Variants in ARHGEF33 observed in about 807,000 individuals in gnomAD.
ARHGEF33 encodes the protein DH and coiled-coil domain-containing protein ENSP00000381780.
ARHGEF33 carries 72 observed loss-of-function variants against 101.9 expected under a neutral mutation model. The ratio of observed to expected loss-of-function variants is 0.71; its 90% CI spans 0.58 to 0.86. ARHGEF33 has a LOEUF of 0.86. Ranked by LOEUF, ARHGEF33 falls within the 40% of genes least tolerant of loss-of-function variation. The pLI, the probability that ARHGEF33 is intolerant of heterozygous loss-of-function variation, is 0.00. For synonymous variants in ARHGEF33, 499 were observed against 442.5 expected, an observed-to-expected ratio of 1.13 and a Z score of -1.60; for missense variants, 1,169 against 1,111.3, an observed-to-expected ratio of 1.05 and a Z score of -0.74.
intron 11 of ARHGEF33, among the ~76,000 whole-genome samples, 151 bp downstream of exon 11, chr2:38,951,272 T>C (rs571317945): frequency 2.1e-3 from 322 of 152,310 alleles, no homozygotes; most frequent in African/African-American, 7.3e-3. Context: ...ATACAGATCA[T>C]GGAATGATTC....
Position 38,960,200 on chromosome 2 carries a change from A to G in ARHGEF33, c.1895A>G (p.Glu632Gly), listed in dbSNP as rs1334173481. The G allele has an allele frequency of 1.9e-6, 3 of 1,545,114 alleles. No individual in the cohort carries two copies. The highest frequency in any genetic ancestry group is 1.4e-5 in the African/African-American group (1 of 72,868). Residue 632 changes from glutamate (E) to glycine (G), a missense_variant, in exon 16 of 18, where the codon GAG becomes GGG. Coordinates refer to ENST00000409978, the MANE Select transcript of ARHGEF33 (RefSeq NM_001145451.5). The stretch of plus-strand genomic sequence containing the variant: ...GCGCTGCCCGCGCCCTACGACGAGG[A>G]GCCGTTCCAGGCTCCGGCCCTCTTC... ...IFALPAPYDE[E>G]PFQAPALFEN...
chr2:38,954,501 T>C (rs1389379422), intron 13 of ARHGEF33, 45 bp downstream of exon 13: 5 of 1,188,116 alleles, frequency 4.2e-6, no homozygotes, highest in South Asian at 3.9e-5. Flanking sequence ...GCATGCTAAG[T>C]AATTATTGGT....
rs1668216695 is a variant in ARHGEF33 at position 38,973,804 on chromosome 2, T to C, written c.2574T>C (p.Leu858=). The change falls in exon 18 of 18, where the codon CTT becomes CTC. Residue 858 remains leucine (L), a synonymous_variant. Transcript: ENST00000409978. ...PTKQDFFRNR[L]ALANDLDQGT... The stretch of plus-strand genomic sequence containing the variant: ...AACAAGATTTCTTCAGAAACCGACT[T>C]GCTCTTGCAAATGACCTTGACCAAG... The C allele has an allele frequency of 1.2e-5, 18 of 1,549,158 alleles. No homozygotes were observed. The highest frequency in any genetic ancestry group is 1.5e-5 in the Non-Finnish European group (17 of 1,146,218).
intron 7 of ARHGEF33, among the ~76,000 whole-genome samples, chr2:38,934,929 A>C (rs916615427): frequency 6.6e-6 from 1 of 152,050 alleles, no homozygotes. Flanking sequence ...TACTGAGGGG[A>C]AGAAACGGAG....
intron 16 of ARHGEF33, among the ~76,000 whole-genome samples, chr2:38,962,849 CAAAAA>C (rs386389985): frequency 3.0e-4 from 17 of 56,124 alleles, no homozygotes; most frequent in East Asian, 1.2e-3. Context: ...CCCGTCTCTA[CAAAAA>C]AAAAAAAAAA....
At chr2:38,952,065 T>A (rs1158297922) in intron 11 of ARHGEF33, among the ~76,000 whole-genome samples, 2 of 152,128 alleles carry the variant, frequency 1.3e-5, no homozygotes, top group Non-Finnish European at 2.9e-5. Context: ...AGGACTAGAG[T>A]TGCCAGAGCT....
At chr2:38,929,170 C>T (rs1666938663) in intron 5 of ARHGEF33, 99 bp downstream of exon 5, 4 of 864,560 alleles carry the variant, frequency 4.6e-6, no homozygotes, top group Non-Finnish European at 7.0e-6. Flanking sequence ...GTGGCTCACG[C>T]CTGTAATCCC....
At chr2:38,952,855 T>G (rs1006385935) in intron 11 of ARHGEF33, among the ~76,000 whole-genome samples, 5 of 152,168 alleles carry the variant, frequency 3.3e-5, no homozygotes, top group African/African-American at 1.2e-4. Flanking sequence ...CCTGCCATCA[T>G]GCCTGGCTAA....
Position 38,958,188 on chromosome 2 carries a change from C to T in ARHGEF33, c.1525C>T (p.Pro509Ser), listed in dbSNP as rs1210406311. Residue 509 changes from proline to serine, a missense_variant, in exon 15 of 18, where the codon CCT becomes TCT. Coordinates refer to ENST00000409978, the MANE Select transcript of ARHGEF33 (RefSeq NM_001145451.5). Reference sequence around the variant, plus strand: ...CTACCCTTCTGCTCCCAGTTCTGGCCCTGCCATCACGTAAGCACCTGTTGC... The same window carrying T: ...CTACCCTTCTGCTCCCAGTTCTGGCTCTGCCATCACGTAAGCACCTGTTGC... ...QPYPSAPSSG[P>S]AITHLMPPVK... The T allele has an allele frequency of 2.6e-6, 4 of 1,551,542 alleles. No individual in the cohort carries two copies. The African/African-American group carries it at 4.1e-5, about 16-fold the overall frequency.
chr2:38,954,066 G>A (rs1030137639), intron 12 of ARHGEF33, among the ~76,000 whole-genome samples: 1 of 152,196 alleles, frequency 6.6e-6, no homozygotes, highest in Non-Finnish European at 1.5e-5. Context: ...AATTAATTCA[G>A]CTAAAATATA....
At chr2:38,920,399 T>A (rs1446849253) in intron 3 of ARHGEF33, among the ~76,000 whole-genome samples, 1 of 12,786 alleles carries the variant, frequency 7.8e-5, no homozygotes, top group Non-Finnish European at 1.5e-4. Context: ...CTTTCTTTCC[T>A]TTTTTTTTTT....
chr2:38,899,257 C>A (rs3112177), intron 2 of ARHGEF33, among the ~76,000 whole-genome samples: 136,839 of 152,164 alleles, frequency 0.9, 63,385 homozygotes, highest in Non-Finnish European at 1. Flanking sequence ...CCTCCATAAA[C>A]TATCTGATCA....
At chr2:38,926,785 T>C (rs570608526) in intron 4 of ARHGEF33, among the ~76,000 whole-genome samples, 1 of 152,294 alleles carries the variant, frequency 6.6e-6, no homozygotes, top group African/African-American at 2.4e-5. Context: ...TAATGAAACC[T>C]ATTTCTGTTG....
In ARHGEF33 at chr2:38,937,414, C is replaced by T. The variant is rs550462732; in HGVS notation, c.645C>T (p.Leu215=). The change falls in exon 9 of 18, where the codon CTC becomes CTT. Residue 215 remains leucine, a synonymous_variant. Coordinates refer to ENST00000409978, the MANE Select transcript of ARHGEF33 (RefSeq NM_001145451.5). ...CTGATATCCAGTCCAAGGGCCATCT[C>T]CCATCTGGCATGTGGAGGCAGCCTA... The part of the protein sequence containing the change: ...LSADIQSKGH[L]PSGMWRQPKD... The T allele has an allele frequency of 1.3e-6, 2 of 1,540,894 alleles. No homozygotes were observed. Among genetic ancestry groups the T allele is most frequent in the South Asian group, 2.4e-5 (2 of 83,786 alleles).
chr2:38,969,109 A>T (rs1429040298), intron 17 of ARHGEF33, among the ~76,000 whole-genome samples: 1 of 152,216 alleles, frequency 6.6e-6, no homozygotes, highest in Non-Finnish European at 1.5e-5. Flanking sequence ...CCCAGCCATT[A>T]CACAGGAACT....
At chr2:38,900,213 A>G (rs58980431) in intron 2 of ARHGEF33, among the ~76,000 whole-genome samples, 6,911 of 152,192 alleles carry the variant, frequency 0.045, 295 homozygotes, top group East Asian at 0.21. Context: ...AAATAAGTAA[A>G]TACATAGAGA....
At chr2:38,891,928 A>C (rs1666014437) in intron 1 of ARHGEF33, among the ~76,000 whole-genome samples, 1 of 152,176 alleles carries the variant, frequency 6.6e-6, no homozygotes, top group Non-Finnish European at 1.5e-5. Context: ...AGATGAACGA[A>C]ACAAATCATA....
At chr2:38,905,441 T>C (rs1343661883) in intron 2 of ARHGEF33, among the ~76,000 whole-genome samples, 1 of 152,200 alleles carries the variant, frequency 6.6e-6, no homozygotes, top group East Asian at 1.9e-4. Flanking sequence ...ATATTTGGAA[T>C]TACCCTGTTA....
chr2:38,958,266 A>G (rs922264127), intron 15 of ARHGEF33, 68 bp downstream of exon 15: 2 of 1,524,484 alleles, frequency 1.3e-6, no homozygotes, highest in Non-Finnish European at 1.8e-6. Flanking sequence ...TGTGCGGGTT[A>G]GCAGGGCAGC....
Sources: allele counts gnomAD v4.1 joint callset (sites outside exome capture counted in the v4.1 genomes callset), GRCh38; gene constraint gnomAD v4.1.1; transcripts MANE v1.5; gene names NCBI Gene and HGNC (gene_info 2026-07-23, HGNC 2026-07-21).